PRRC2B: variants seen among roughly 807,000 people sequenced by gnomAD.
The protein encoded by PRRC2B is protein PRRC2B.
PRRC2B carries 68 observed loss-of-function variants against 242.3 expected under a neutral mutation model. That is an observed-to-expected ratio of 0.28 (90% CI 0.23 to 0.34). The LOEUF (loss-of-function observed/expected upper bound fraction) is 0.34, where lower values mean the gene tolerates loss of function less well. Ranked by LOEUF, PRRC2B falls within the 10% of genes least tolerant of loss-of-function variation. The pLI, the probability that PRRC2B is intolerant of heterozygous loss-of-function variation, is 1.00. For missense variants in PRRC2B, 2,835 were observed against 2,954.8 expected (o/e 0.96, Z 0.94); for synonymous variants, 1,228 against 1,173.6 (o/e 1.05, Z -0.95).
At position 131,486,139 on chromosome 9, in the gene PRRC2B, G is replaced by A. The variant is rs747822258; in HGVS notation, c.5813G>A (p.Arg1938Gln). The part of the protein sequence containing the change: ...LDGHVFASQP[R>Q]LVPQTIPQQQ... ...GGCCATGTGTTTGCAAGTCAGCCCC[G>A]GCTGGTTCCTCAAACGATACCTCAG... The change falls in exon 26 of 32, where the codon CGG (arginine) becomes CAG (glutamine). Residue 1938 changes from arginine (R) to glutamine (Q), a missense_variant. By Grantham distance (43) the Arg-to-Gln change is conservative. Coordinates refer to ENST00000683519, the MANE Select transcript of PRRC2B (RefSeq NM_013318.4). 6.2e-6 allele frequency: 10 copies of A among 1,613,022 alleles called. No individual in the cohort carries two copies. The highest frequency in any genetic ancestry group is 3.3e-5 in the Admixed American group (2 of 59,866).
chr9:131,439,574 A>G (rs527837099), intron 5 of PRRC2B, among the ~76,000 whole-genome samples: 7 of 152,248 alleles, frequency 4.6e-5, no homozygotes, highest in Non-Finnish European at 7.4e-5. Flanking sequence ...AGTAGCCTGT[A>G]TTAGAAAACC....
chr9:131,417,855 C>T (rs149900777), intron 1 of PRRC2B, among the ~76,000 whole-genome samples: 102 of 152,256 alleles, frequency 6.7e-4, no homozygotes, highest in African/African-American at 2.4e-3. Context: ...TATTTTTGTC[C>T]GAGCACCACT....
chr9:131,432,074 G>T (rs1838194793), intron 2 of PRRC2B, among the ~76,000 whole-genome samples: 1 of 152,096 alleles, frequency 6.6e-6, no homozygotes, highest in Admixed American at 6.5e-5. Context: ...AATTACACGT[G>T]TGAGCCACCA....
rs1378712471 is a variant in PRRC2B, at chr9:131,483,364, C to T, written c.5379C>T (p.Ser1793=). The change falls in exon 23 of 32, where the codon TCC becomes TCT. Residue 1793 remains serine, a synonymous_variant. Transcript: ENST00000683519. ...GGCCTTTTTTATTTTTTCAGGACTC[C>T]GATTTCAGCTTGCCACCTGGTTCTG... ...PIEFGVSPKD[S]DFSLPPGSAS... is the part of the protein sequence containing the mutation. 22 of 1,613,764 alleles carry T rather than the reference C, an allele frequency of 1.4e-5. No homozygotes were observed. The highest frequency in any genetic ancestry group is 1.0e-4 in the Admixed American group (6 of 59,988).
At chr9:131,458,661 C>CA (rs1943153734) in intron 10 of PRRC2B, among the ~76,000 whole-genome samples, 2 of 152,096 alleles carry the variant, frequency 1.3e-5, no homozygotes, top group South Asian at 4.1e-4. Flanking sequence ...TGCTACCACA[C>CA]CTGGCTAATT....
intron 1 of PRRC2B, among the ~76,000 whole-genome samples, chr9:131,403,353 T>C (rs1195189022): frequency 1.3e-5 from 2 of 152,070 alleles, no homozygotes; most frequent in Non-Finnish European, 2.9e-5. Flanking sequence ...ATTTTATTTA[T>C]TTATTTATTT....
chr9:131,490,528 G>A (rs967900343), intron 28 of PRRC2B: 4 of 519,024 alleles, frequency 7.7e-6, no homozygotes, highest in African/African-American at 3.9e-5. Context: ...ACCCTCCACT[G>A]TGGACTCAAT....
Position 131,482,443 on chromosome 9 carries a change from T to A in PRRC2B, c.5056T>A (p.Ser1686Thr). The A allele has an allele frequency of 1.2e-6, 2 of 1,606,882 alleles. No homozygotes were observed. Among genetic ancestry groups the A allele is most frequent in the Non-Finnish European group, 8.5e-7 (1 of 1,174,042 alleles). ...SAESRESSAT[S>T]SQRSSPYGTL... The stretch of plus-strand genomic sequence containing the variant: ...CGAGTCTCGGGAGTCGTCTGCGACC[T>A]CCTCGCAGCGCAGCTCCCCATATGG... The change falls in exon 21 of 32, where the codon TCC (serine) becomes ACC (threonine). Residue 1686 changes from serine (S) to threonine (T), a missense_variant. Ser to Thr is a moderately conservative substitution (Grantham distance 58). Coordinates refer to ENST00000683519, the MANE Select transcript of PRRC2B (RefSeq NM_013318.4). The surrounding 1 kb of genome is among the most constrained non-coding windows in gnomAD (Gnocchi z 5.2).
chr9:131,461,093 T>A (rs569055120), intron 11 of PRRC2B, among the ~76,000 whole-genome samples: 183 of 152,332 alleles, frequency 1.2e-3, no homozygotes, highest in African/African-American at 4.4e-3. Flanking sequence ...TGTTTGCACC[T>A]CCTTTCTGTG....
chr9:131,436,345 A>G (rs1395776711), intron 3 of PRRC2B, among the ~76,000 whole-genome samples: 1 of 152,226 alleles, frequency 6.6e-6, no homozygotes, highest in Non-Finnish European at 1.5e-5. Flanking sequence ...AGCCTGGGTG[A>G]TAGAGTGAGA....
At chr9:131,413,475 T>C (rs1266172877) in intron 1 of PRRC2B, among the ~76,000 whole-genome samples, 1 of 152,210 alleles carries the variant, frequency 6.6e-6, no homozygotes, top group Non-Finnish European at 1.5e-5. Context: ...TACGTTCAAG[T>C]GCTATTTCTT....
Position 131,446,799 on chromosome 9 carries a change from T to C in PRRC2B, c.855+157T>C, listed in dbSNP as rs983199708. Among the ~76,000 whole-genome samples the C allele has an allele frequency of 6.6e-6, 1 of 152,244 alleles. No homozygotes were observed. The highest frequency in any genetic ancestry group is 2.4e-5 in the African/African-American group (1 of 41,462). ...TTTTGCATTTTCTCTCCCTGCTTTT[T>C]AAATCTTCAGGGCCTCTGACTTCTT... On this transcript the variant is annotated intron_variant, in intron 7 of 31. Coordinates refer to ENST00000683519, the MANE Select transcript of PRRC2B (RefSeq NM_013318.4). The surrounding 1 kb of genome is among the most constrained non-coding windows in gnomAD (Gnocchi z 4.1).
At chr9:131,472,306 T>TG (rs1943568690) in intron 14 of PRRC2B, among the ~76,000 whole-genome samples, 1 of 151,502 alleles carries the variant, frequency 6.6e-6, no homozygotes, top group South Asian at 2.1e-4. Context: ...GGATGATGAT[T>TG]ATTATTATTA....
At chr9:131,398,940 T>A (rs554170761) in intron 1 of PRRC2B, among the ~76,000 whole-genome samples, 1 of 152,162 alleles carries the variant, frequency 6.6e-6, no homozygotes, top group Admixed American at 6.5e-5. Context: ...ATCATGCCAC[T>A]GCACTCTAGC....
intron 4 of PRRC2B, among the ~76,000 whole-genome samples, chr9:131,437,833 T>G (rs948014769): frequency 6.6e-6 from 1 of 152,200 alleles, no homozygotes; most frequent in African/African-American, 2.4e-5. Flanking sequence ...TCCCAGAATT[T>G]GAAAGAAAAG....
At chr9:131,457,578 A>C (rs1351022781) in intron 10 of PRRC2B, among the ~76,000 whole-genome samples, 1 of 152,048 alleles carries the variant, frequency 6.6e-6, no homozygotes, top group East Asian at 1.9e-4. Context: ...TTATTTCCTC[A>C]TACACAATTG....
At position 131,476,226 on chromosome 9, in the gene PRRC2B, C is replaced by T. The variant is rs770098147; in HGVS notation, c.4097C>T (p.Ser1366Phe). The T allele has an allele frequency of 4.3e-6, 7 of 1,613,186 alleles. No individual in the cohort carries two copies. In the African/African-American group the frequency reaches 8.0e-5, roughly 18 times the overall value. Residue 1366 changes from serine to phenylalanine, a missense_variant, in exon 16 of 32, where the codon TCC (serine) becomes TTC (phenylalanine). Transcript: ENST00000683519. ...TCCCCTGAGCTCTCCTACCAGAACT[C>T]CTCCGATCACGCCAATGAGGAGTGG... ...RRSPELSYQN[S>F]SDHANEEWET... is the part of the protein sequence containing the mutation.
At position 131,457,289 on chromosome 9, in the gene PRRC2B, A is replaced by C. The variant is rs1943109877; in HGVS notation, c.1212-1875A>C. On this transcript the variant is annotated intron_variant, in intron 10 of 31. Coordinates refer to ENST00000683519, the MANE Select transcript of PRRC2B (RefSeq NM_013318.4). ...CAGAAGGAGCTGTGATCAAGAATTA[A>C]AATCAAAGGCAAAGACATAAACTCT... Among the ~76,000 whole-genome samples the C allele has an allele frequency of 3.3e-5, 5 of 152,388 alleles. No homozygotes were observed. In the South Asian group the frequency reaches 1.0e-3, roughly 32 times the overall value.
Position 131,474,918 on chromosome 9 carries a change from C to G in PRRC2B, c.2789C>G (p.Pro930Arg), listed in dbSNP as rs180814066. The change falls in exon 16 of 32, where the codon CCG (proline) becomes CGG (arginine). Residue 930 changes from proline to arginine, a missense_variant. Physicochemically the swap from Pro to Arg is moderately radical, Grantham distance 103. Coordinates refer to ENST00000683519, the MANE Select transcript of PRRC2B (RefSeq NM_013318.4). The stretch of plus-strand genomic sequence containing the variant: ...CCCCGGAGCTCCAGCAGCCAGCACC[C>G]GGAGCAGACGGGCAGGACCCGGAGG... ...PEPRSSSSQH[P>R]EQTGRTRRSG... 3 of 1,594,204 alleles carry G rather than the reference C, an allele frequency of 1.9e-6. No homozygotes were observed. The highest frequency in any genetic ancestry group is 1.8e-5 in the Admixed American group (1 of 56,520).
Sources: allele counts gnomAD v4.1 joint callset (sites outside exome capture counted in the v4.1 genomes callset), GRCh38; gene constraint gnomAD v4.1.1; non-coding constraint Gnocchi (gnomAD v3.1); transcripts MANE v1.5; gene names NCBI Gene and HGNC (gene_info 2026-07-23, HGNC 2026-07-21).